LRRC37A3: variants seen among roughly 807,000 people sequenced by gnomAD.
The protein encoded by LRRC37A3 is leucine rich repeat containing 37 member A3.
A neutral mutation model predicts 106.2 loss-of-function variants in LRRC37A3; 25 were observed. That is an observed-to-expected ratio of 0.24 (90% CI 0.17 to 0.33). LRRC37A3 has a LOEUF of 0.33. LRRC37A3 is among the 10% of genes least tolerant of loss of function. The pLI, the probability that LRRC37A3 is intolerant of heterozygous loss-of-function variation, is 1.00. For missense variants in LRRC37A3, 712 were observed against 1,644.9 expected, an observed-to-expected ratio of 0.43 and a Z score of 9.81; for synonymous variants, 305 against 635.8, an observed-to-expected ratio of 0.48 and a Z score of 7.83.
chr17:64,916,296 T>G (rs1425593710), intron 2 of LRRC37A3, among the ~76,000 whole-genome samples: 2 of 150,788 alleles, frequency 1.3e-5, no homozygotes, highest in African/African-American at 4.9e-5. Flanking sequence ...TCCCAGCTAC[T>G]TGGGAGGCTG....
At chr17:64,861,536 T>C (rs1424374896) in intron 11 of LRRC37A3, among the ~76,000 whole-genome samples, 2 of 152,224 alleles carry the variant, frequency 1.3e-5, no homozygotes, top group Non-Finnish European at 2.9e-5. Context: ...CCCCATTCTC[T>C]GCTCCCACGT....
intron 8 of LRRC37A3, among the ~76,000 whole-genome samples, chr17:64,881,732 C>A (rs1220744627): frequency 6.6e-6 from 1 of 150,958 alleles, no homozygotes; most frequent in Non-Finnish European, 1.5e-5. Context: ...GTTTACAGCA[C>A]AAAGCAATTT....
intron 2 of LRRC37A3, among the ~76,000 whole-genome samples, chr17:64,915,150 G>T (rs919228666): frequency 4.6e-5 from 7 of 151,910 alleles, no homozygotes; most frequent in Non-Finnish European, 1.0e-4. Context: ...CAAAAAAAAG[G>T]ATAAACATCT....
intron 14 of LRRC37A3, among the ~76,000 whole-genome samples, chr17:64,854,986 C>T (rs534395074): frequency 2.0e-4 from 30 of 152,130 alleles, no homozygotes; most frequent in Non-Finnish European, 3.2e-4. Flanking sequence ...TACAGGCCTG[C>T]GCCACCACAC....
At chr17:64,857,410 T>C (rs1304530374) in intron 13 of LRRC37A3, among the ~76,000 whole-genome samples, 1 of 152,240 alleles carries the variant, frequency 6.6e-6, no homozygotes, top group Non-Finnish European at 1.5e-5. Context: ...AGATAGCACG[T>C]TCCTAGAATG....
Position 64,854,627 on chromosome 17 carries a change from G to T in LRRC37A3, c.4877C>A (p.Thr1626Lys), listed in dbSNP as rs747957581. The T allele has an allele frequency of 6.2e-7, 1 of 1,613,776 alleles. No homozygotes were observed. The highest frequency in any genetic ancestry group is 8.5e-7 in the Non-Finnish European group (1 of 1,179,866). The change falls in exon 15 of 15, where the codon ACG (threonine) becomes AAG (lysine). Residue 1626 changes from threonine to lysine, a missense_variant. Transcript: ENST00000584306. ...EGFSRDSEAP[T>K]EEESEALP Reference sequence around the variant, plus strand: ...TGGCAGGGCTTCACTCTCCTCCTCCGTTGGGGCTTCGCTGTCCCTGGGATA... The same window carrying T: ...TGGCAGGGCTTCACTCTCCTCCTCCTTTGGGGCTTCGCTGTCCCTGGGATA...
chr17:64,904,137 TC>T (rs1323600044), intron 2 of LRRC37A3, among the ~76,000 whole-genome samples: 3 of 148,484 alleles, frequency 2.0e-5, no homozygotes, highest in African/African-American at 7.5e-5. Flanking sequence ...AGACTCTGCT[TC>T]AAAAAAAAAA....
At chr17:64,905,186 CAG>C (rs1399511820) in intron 2 of LRRC37A3, 1 of 163,690 alleles carries the variant, frequency 6.1e-6, no homozygotes, top group Non-Finnish European at 1.3e-5. Flanking sequence ...TATTGTAAGA[CAG>C]AAAACCTCTG....
At chr17:64,866,781 C>T (rs1298513895) in intron 10 of LRRC37A3, among the ~76,000 whole-genome samples, 1 of 139,180 alleles carries the variant, frequency 7.2e-6, no homozygotes, top group Non-Finnish European at 1.5e-5. Flanking sequence ...CAGGCGTGTG[C>T]CACCACACCT....
intron 8 of LRRC37A3, among the ~76,000 whole-genome samples, chr17:64,878,486 G>A (rs1432592579): frequency 2.0e-5 from 3 of 152,108 alleles, no homozygotes; most frequent in Admixed American, 1.3e-4. Context: ...CCTATAATTC[G>A]ATAAAAAGAC....
At chr17:64,869,640 A>G (rs2143441853) in intron 8 of LRRC37A3, among the ~76,000 whole-genome samples, 1 of 145,808 alleles carries the variant, frequency 6.9e-6, no homozygotes, top group Non-Finnish European at 1.5e-5. Flanking sequence ...GGTTCAAGTG[A>G]TTCTCCTGTT....
At chr17:64,870,631 C>T (rs1339579917) in intron 8 of LRRC37A3, among the ~76,000 whole-genome samples, 2 of 152,096 alleles carry the variant, frequency 1.3e-5, no homozygotes, top group Non-Finnish European at 2.9e-5. Context: ...AACTGAGGCA[C>T]AGAGAGGTTA....
intron 10 of LRRC37A3, among the ~76,000 whole-genome samples, chr17:64,865,428 G>A (rs997036131): frequency 2.6e-5 from 4 of 152,184 alleles, no homozygotes; most frequent in African/African-American, 9.7e-5. Flanking sequence ...ACAGGCATGA[G>A]CCCAAAATTT....
Position 64,880,764 on chromosome 17 carries a change from C to G in LRRC37A3, c.2906+5322G>C, listed in dbSNP as rs183071441. Among the ~76,000 whole-genome samples, 3 of 151,138 alleles carry G rather than the reference C, an allele frequency of 2.0e-5. No individual in the cohort carries two copies. The East Asian group carries it at 5.8e-4, about 29-fold the overall frequency. On this transcript the variant is annotated intron_variant, in intron 8 of 14. Transcript: ENST00000584306. ...CACAAAATAAGGGAACATTTCTTGC[C>G]TGTTTTTTTTTTTCCCCTCCAAATT...
chr17:64,905,109 AATTT>A (rs1476475025), intron 2 of LRRC37A3, among the ~76,000 whole-genome samples: 1 of 152,146 alleles, frequency 6.6e-6, no homozygotes, highest in Non-Finnish European at 1.5e-5. Flanking sequence ...GTATTAAATC[AATTT>A]ATTAAAGCAA....
At chr17:64,858,925 C>T (rs778404242) in intron 12 of LRRC37A3, 42 bp from the exon 13 acceptor site, 2 of 1,331,134 alleles carry the variant, frequency 1.5e-6, no homozygotes, top group Non-Finnish European at 2.1e-6. Context: ...CTATTCAAAA[C>T]CCCAGTATTC....
chr17:64,917,016 C>G, intron 2 of LRRC37A3, among the ~76,000 whole-genome samples: 1 of 151,052 alleles, frequency 6.6e-6, no homozygotes, highest in East Asian at 1.9e-4. Flanking sequence ...GAGGCCGAGG[C>G]GGGCAGATCA....
chr17:64,902,057 GTTTA>G (rs1330932965), intron 2 of LRRC37A3, among the ~76,000 whole-genome samples: 5 of 148,366 alleles, frequency 3.4e-5, no homozygotes, highest in African/African-American at 7.5e-5. Flanking sequence ...CTTCAGCAGA[GTTTA>G]TTTATTCAGA....
intron 8 of LRRC37A3, among the ~76,000 whole-genome samples, chr17:64,880,374 C>T (rs2143503883): frequency 6.6e-6 from 1 of 152,326 alleles, no homozygotes; most frequent in East Asian, 1.9e-4. Flanking sequence ...ACTTGAACTC[C>T]AGGGGCTCAA....
Sources: gnomAD v4.1 joint callset for allele counts (sites outside exome capture counted in the v4.1 genomes callset) on GRCh38, gnomAD v4.1.1 for gene constraint, MANE v1.5 for transcripts, NCBI Gene and HGNC (gene_info 2026-07-23, HGNC 2026-07-21) for gene names.